INTS9: variants seen among roughly 807,000 people sequenced by gnomAD.
The protein encoded by INTS9 is integrator complex subunit 9.
INTS9 carries 55 observed loss-of-function variants against 79.7 expected under a neutral mutation model. That is an observed-to-expected ratio of 0.69 (90% CI 0.56 to 0.86). The LOEUF is 0.86. Among genes scored for constraint, INTS9 ranks in the 40% least tolerant of loss-of-function variants. The probability of loss-of-function intolerance (pLI) is 0.00; values close to 1 mark genes in which losing one functional copy is unlikely to be tolerated. For missense variants in INTS9, 721 were observed against 831.5 expected, an observed-to-expected ratio of 0.87 and a Z score of 1.64; for synonymous variants, 319 against 325.2, an observed-to-expected ratio of 0.98 and a Z score of 0.20.
At position 28,788,773 on chromosome 8, in the gene INTS9, A is replaced by T. The variant is rs1236557026; in HGVS notation, c.1038-884T>A. Reference sequence around the variant, plus strand: ...AACTCCAACTAGAGAAGAACAAAGGATCACAGGCTAGAGACAATGTGAATG... The same window carrying T: ...AACTCCAACTAGAGAAGAACAAAGGTTCACAGGCTAGAGACAATGTGAATG... On this transcript the variant is annotated intron_variant, in intron 10 of 16. Transcript: ENST00000521022. Among the ~76,000 whole-genome samples the T allele has an allele frequency of 2.0e-5, 3 of 152,220 alleles. No homozygotes were observed. In the East Asian group the frequency reaches 5.8e-4, roughly 29 times the overall value.
intron 1 of INTS9, among the ~76,000 whole-genome samples, chr8:28,881,424 A>G (rs1302552545): frequency 2.2e-4 from 25 of 111,248 alleles, no homozygotes; most frequent in Non-Finnish European, 3.1e-4. Context: ...CCCGGGAGGG[A>G]GGTGGGGGGG....
Position 28,832,257 on chromosome 8 carries a change from G to A in INTS9, c.488+3035C>T, listed in dbSNP as rs545569932. ...CGAGGGCAAGAGAAAAGGGAGCTGG[G>A]AACAAGAATGTGGTACTGCACCAGG... is the stretch of plus-strand genomic sequence containing the variant. On this transcript the variant is annotated intron_variant, in intron 6 of 16. Transcript: ENST00000521022. 5.9e-5 allele frequency among the ~76,000 whole-genome samples: 9 copies of A among 152,230 alleles called. No homozygotes were observed. The South Asian group carries it at 1.0e-3, about 18-fold the overall frequency.
At chr8:28,813,999 T>A (rs1805314134) in intron 6 of INTS9, among the ~76,000 whole-genome samples, 1 of 151,048 alleles carries the variant, frequency 6.6e-6, no homozygotes, top group Non-Finnish European at 1.5e-5. Context: ...GACCTTGTGA[T>A]AGGCCCAACT....
chr8:28,772,600 G>A (rs1392519630), intron 14 of INTS9, among the ~76,000 whole-genome samples: 1 of 152,192 alleles, frequency 6.6e-6, no homozygotes, highest in East Asian at 1.9e-4. Flanking sequence ...AAGGTCAGGA[G>A]ATCAAGACCA....
At chr8:28,877,509 TA>T (rs919603821) in intron 1 of INTS9, among the ~76,000 whole-genome samples, 1 of 152,104 alleles carries the variant, frequency 6.6e-6, no homozygotes, top group African/African-American at 2.4e-5. Flanking sequence ...TAAACCTTAA[TA>T]AAAAATGCAT....
chr8:28,768,793 T>C (rs1488301874), intron 16 of INTS9, among the ~76,000 whole-genome samples: 1 of 152,156 alleles, frequency 6.6e-6, no homozygotes, highest in African/African-American at 2.4e-5. Flanking sequence ...GGACAGAAAT[T>C]CCTTACAAAT....
At chr8:28,854,740 A>C (rs1295890829) in intron 2 of INTS9, among the ~76,000 whole-genome samples, 3 of 152,142 alleles carry the variant, frequency 2.0e-5, no homozygotes, top group Non-Finnish European at 4.4e-5. Flanking sequence ...GATGGGGACA[A>C]GTGGAGGCAG....
intron 5 of INTS9, 85 bp from the exon 6 acceptor site, chr8:28,835,463 A>C: frequency 4.1e-6 from 3 of 738,994 alleles, no homozygotes; most frequent in Non-Finnish European, 6.4e-6. Flanking sequence ...AGGAGAAATG[A>C]CTTGCCCACC....
intron 14 of INTS9, among the ~76,000 whole-genome samples, chr8:28,772,579 G>A (rs1802610448): frequency 2.0e-5 from 3 of 151,794 alleles, no homozygotes; most frequent in African/African-American, 7.3e-5. Context: ...AGGCCGAGGT[G>A]GGTAGATCAC....
intron 8 of INTS9, among the ~76,000 whole-genome samples, chr8:28,802,329 C>T (rs1012719536): frequency 1.3e-5 from 2 of 152,190 alleles, no homozygotes; most frequent in African/African-American, 4.8e-5. Context: ...CAGATTCTTA[C>T]TATCAGGCTT....
chr8:28,774,374 A>G (rs1768479515), intron 14 of INTS9, among the ~76,000 whole-genome samples: 1 of 152,224 alleles, frequency 6.6e-6, no homozygotes, highest in Non-Finnish European at 1.5e-5. Flanking sequence ...ATCAATAGAC[A>G]TAACCCACAT....
At chr8:28,815,696 T>C (rs571100767) in intron 6 of INTS9, among the ~76,000 whole-genome samples, 2 of 151,922 alleles carry the variant, frequency 1.3e-5, no homozygotes, top group South Asian at 4.2e-4. Flanking sequence ...CAAAAAGAAA[T>C]GAAGAGATTT....
intron 4 of INTS9, among the ~76,000 whole-genome samples, chr8:28,842,664 C>T (rs1350124042): frequency 3.9e-5 from 6 of 152,058 alleles, no homozygotes; most frequent in Non-Finnish European, 7.4e-5. Flanking sequence ...GTTTCACCTC[C>T]CACTTTTTTT....
intron 6 of INTS9, among the ~76,000 whole-genome samples, chr8:28,833,011 A>C (rs1216046923): frequency 6.6e-6 from 1 of 152,174 alleles, no homozygotes; most frequent in African/African-American, 2.4e-5. Context: ...CTATTTATTA[A>C]AGGAATAAAT....
At chr8:28,883,754 T>C (rs1810021125) in intron 1 of INTS9, among the ~76,000 whole-genome samples, 1 of 152,206 alleles carries the variant, frequency 6.6e-6, no homozygotes, top group Non-Finnish European at 1.5e-5. Flanking sequence ...CACTGCAATA[T>C]GCTTAGTATC....
chr8:28,778,590 A>G (rs1278143865), intron 12 of INTS9, among the ~76,000 whole-genome samples: 2 of 152,086 alleles, frequency 1.3e-5, no homozygotes, highest in East Asian at 3.9e-4. Context: ...AGCCCCTCAG[A>G]CCGGGAAGAG....
rs559244980 is a variant in INTS9, at chr8:28,889,966, A to C, written c.-84T>G. The C allele has an allele frequency of 1.8e-6, 2 of 1,130,524 alleles. No individual in the cohort carries two copies. The highest frequency in any genetic ancestry group is 1.5e-5 in the African/African-American group (1 of 65,294). 70.0% of individuals were successfully genotyped at this position (1,130,524 alleles called of 1,614,324 possible). A position where few individuals can be genotyped will look rare whatever the true frequency, so the allele number is the denominator to read the frequency against. Reference sequence around the variant, plus strand: ...TCCGGTGCAATCTCCGCCACCTGCCAGCCGAGAGCATCGCGGGACTTGCAG... The same window carrying C: ...TCCGGTGCAATCTCCGCCACCTGCCCGCCGAGAGCATCGCGGGACTTGCAG... On this transcript the variant is annotated 5_prime_UTR_variant, in exon 1 of 17. Coordinates refer to ENST00000521022, the MANE Select transcript of INTS9 (RefSeq NM_018250.4).
At chr8:28,840,056 A>G (rs1474129421) in intron 4 of INTS9, among the ~76,000 whole-genome samples, 10 of 146,096 alleles carry the variant, frequency 6.8e-5, no homozygotes, top group African/African-American at 2.6e-4. Flanking sequence ...ACAAAGGGCT[A>G]ATATCCAGAA....
chr8:28,878,830 A>G (rs931580043), intron 1 of INTS9, among the ~76,000 whole-genome samples: 1 of 151,910 alleles, frequency 6.6e-6, no homozygotes, highest in African/African-American at 2.4e-5. Flanking sequence ...AAATACAAAA[A>G]TTAGCCAGGT....
Sources: gnomAD v4.1 joint callset for allele counts (sites outside exome capture counted in the v4.1 genomes callset) on GRCh38, gnomAD v4.1.1 for gene constraint, MANE v1.5 for transcripts, NCBI Gene and HGNC (gene_info 2026-07-23, HGNC 2026-07-21) for gene names.